Variants in DISC1 observed in about 807,000 individuals in gnomAD.
The protein encoded by DISC1 is DISC1 scaffold protein.
A neutral mutation model predicts 84.5 loss-of-function variants in DISC1; 57 were observed. The observed-to-expected ratio is 0.67, with a 90% CI of 0.55 to 0.84. The LOEUF (loss-of-function observed/expected upper bound fraction) is 0.84, where lower values mean the gene tolerates loss of function less well. Among genes scored for constraint, DISC1 ranks in the 40% least tolerant of loss-of-function variants. DISC1 has a pLI of 0.00. For missense variants in DISC1, 1,000 were observed against 1,057.8 expected (o/e 0.95, Z 0.76); for synonymous variants, 411 against 415.2 (o/e 0.99, Z 0.12).
chr1:231,651,764 G>A (rs938252334), intron 1 of DISC1, among the ~76,000 whole-genome samples: 6 of 152,196 alleles, frequency 3.9e-5, no homozygotes, highest in Admixed American at 6.5e-5. Context: ...TTCTCCAGCC[G>A]CTTTGTTTAC....
At chr1:231,702,510 A>G in intron 3 of DISC1, 23 of 986,698 alleles carry the variant, frequency 2.3e-5, no homozygotes, top group Non-Finnish European at 2.6e-5. Context: ...TGAATTTGAG[A>G]AATGTCAGAC....
At position 232,039,343 on chromosome 1, in the gene DISC1, A is replaced by G. The variant is rs1042458025; in HGVS notation, c.*2512A>G. 1 of 152,238 alleles carries G rather than the reference A, an allele frequency of 6.6e-6. No homozygotes were observed. The highest frequency in any genetic ancestry group is 1.5e-5 in the Non-Finnish European group (1 of 68,040). 9.4% of individuals were successfully genotyped at this position (152,238 alleles called of 1,614,324 possible). A position where few individuals can be genotyped will look rare whatever the true frequency, so the allele number is the denominator to read the frequency against. On this transcript the variant is annotated 3_prime_UTR_variant, in exon 13 of 13. Transcript: ENST00000439617. ...AAGTGTTTTGTATTACTCAGACACCATCATGAAATAATTCTGTGAGGTCAT... is the reference window on the plus strand; with the variant it reads ...AAGTGTTTTGTATTACTCAGACACCGTCATGAAATAATTCTGTGAGGTCAT...
chr1:231,794,181 C>T (rs1302360615), intron 6 of DISC1, among the ~76,000 whole-genome samples: 1 of 152,174 alleles, frequency 6.6e-6, no homozygotes, highest in Non-Finnish European at 1.5e-5. Flanking sequence ...CCCTGTTTAT[C>T]TTTCACAACT....
intron 9 of DISC1, among the ~76,000 whole-genome samples, chr1:231,929,428 C>G (rs1453393018): frequency 6.6e-6 from 1 of 152,192 alleles, no homozygotes; most frequent in South Asian, 2.1e-4. Context: ...GTATTTTTAA[C>G]CCTGAGACGC....
chr1:231,998,054 A>G (rs1220609276), intron 10 of DISC1, among the ~76,000 whole-genome samples: 1 of 152,192 alleles, frequency 6.6e-6, no homozygotes. Flanking sequence ...ACATGACATA[A>G]AACATGAAGC....
chr1:231,907,088 T>TTTCCTCCCTCCCTTCCTTCCTTCCC (rs1553392007), intron 9 of DISC1, among the ~76,000 whole-genome samples: 1 of 41,676 alleles, frequency 2.4e-5, no homozygotes. Flanking sequence ...CCTTCCTTCC[T>TTTCCTCCCTCCCTTCCTTCCTTCCC]TCCCTCCCTC....
intron 10 of DISC1, among the ~76,000 whole-genome samples, chr1:231,960,902 C>T (rs896871372): frequency 7.2e-5 from 11 of 152,208 alleles, no homozygotes; most frequent in African/African-American, 2.7e-4. Flanking sequence ...TGATCCCCTC[C>T]TTGGGTTTGA....
chr1:231,994,987 C>G (rs986512766), intron 10 of DISC1, among the ~76,000 whole-genome samples: 2 of 152,138 alleles, frequency 1.3e-5, no homozygotes, highest in African/African-American at 4.8e-5. Flanking sequence ...CTACATGTTC[C>G]TCGTTAAATA....
At chr1:231,787,366 G>A (rs914307575) in intron 6 of DISC1, among the ~76,000 whole-genome samples, 1 of 152,094 alleles carries the variant, frequency 6.6e-6, no homozygotes, top group Non-Finnish European at 1.5e-5. Context: ...ATGGCAGGAA[G>A]CAGAAGGGCA....
intron 9 of DISC1, among the ~76,000 whole-genome samples, chr1:231,864,112 G>A (rs748521324): frequency 3.3e-4 from 50 of 152,014 alleles, no homozygotes; most frequent in African/African-American, 1.2e-3. Context: ...AACAGTTTTC[G>A]TCACACAAAA....
At chr1:231,740,337 G>A (rs1057284873) in intron 3 of DISC1, among the ~76,000 whole-genome samples, 3 of 152,142 alleles carry the variant, frequency 2.0e-5, no homozygotes, top group Non-Finnish European at 4.4e-5. Flanking sequence ...ACTTAAGTGG[G>A]GTAAGTGATT....
rs1479285719 is a variant in DISC1 at position 231,826,009 on chromosome 1, T to A, written c.1981+7492T>A. Among the ~76,000 whole-genome samples the A allele has an allele frequency of 6.6e-6, 1 of 152,232 alleles. No individual in the cohort carries two copies. Among genetic ancestry groups the A allele is most frequent in the Admixed American group, 6.5e-5 (1 of 15,286 alleles). On this transcript the variant is annotated intron_variant, in intron 9 of 12. Transcript: ENST00000439617. The surrounding 1 kb of genome is among the most constrained non-coding windows in gnomAD (Gnocchi z 4.2). ...TGTTTTCTTTGAAGAAAAGGAATGA[T>A]CCCTTGTACGAAGTCACCCTCTTTT...
chr1:231,670,867 G>A (rs2062551241), intron 1 of DISC1: 1 of 152,174 alleles, frequency 6.6e-6, no homozygotes, highest in Non-Finnish European at 1.5e-5. Flanking sequence ...AATCAAGAAA[G>A]CCTATGGTTG....
At chr1:231,775,670 G>A (rs1366118574) in intron 6 of DISC1, among the ~76,000 whole-genome samples, 1 of 151,956 alleles carries the variant, frequency 6.6e-6, no homozygotes, top group Non-Finnish European at 1.5e-5. Flanking sequence ...AGCTGACAGA[G>A]CAGGGGTGCA....
chr1:231,843,242 T>A (rs2083205536), intron 9 of DISC1, among the ~76,000 whole-genome samples: 1 of 151,206 alleles, frequency 6.6e-6, no homozygotes, highest in Admixed American at 6.6e-5. Context: ...GCATGAGAGG[T>A]GATAGAGAAA....
At position 231,691,290 on chromosome 1, in the gene DISC1, G is replaced by A. The variant is rs190910063; in HGVS notation, c.68-2536G>A. Among the ~76,000 whole-genome samples the A allele has an allele frequency of 2.5e-3, 382 of 152,126 alleles. 3 individuals are homozygous for A. Among genetic ancestry groups the A allele is most frequent in the African/African-American group, 8.9e-3 (369 of 41,512 alleles). ...TACTAAAAATACAAAAATTAGCTGG[G>A]CGTGGTGGCAGGCACCCGCAATCCC... On this transcript the variant is annotated intron_variant, in intron 1 of 12. Transcript: ENST00000439617.
At chr1:232,019,992 A>G (rs1040868470) in intron 11 of DISC1, among the ~76,000 whole-genome samples, 1 of 152,168 alleles carries the variant, frequency 6.6e-6, no homozygotes, top group Non-Finnish European at 1.5e-5. Context: ...CACCATGTCT[A>G]CAGGTGCTGG....
chr1:232,030,284 C>T (rs1407955987), intron 12 of DISC1, among the ~76,000 whole-genome samples: 1 of 152,192 alleles, frequency 6.6e-6, no homozygotes, highest in Non-Finnish European at 1.5e-5. Context: ...CCTCCACGCT[C>T]AAAATATTGT....
intron 3 of DISC1, among the ~76,000 whole-genome samples, chr1:231,711,179 C>G (rs970242708): frequency 6.6e-6 from 1 of 152,028 alleles, no homozygotes; most frequent in Non-Finnish European, 1.5e-5. Context: ...TACTGAATAT[C>G]TGCCAGATTT....
Sources: gnomAD v4.1 joint callset for allele counts (sites outside exome capture counted in the v4.1 genomes callset) on GRCh38, gnomAD v4.1.1 for gene constraint, Gnocchi (gnomAD v3.1) non-coding constraint, MANE v1.5 for transcripts, NCBI Gene and HGNC (gene_info 2026-07-23, HGNC 2026-07-21) for gene names.